SPON1: variants seen among roughly 807,000 people sequenced by gnomAD.
SPON1 encodes spondin 1.
Under a neutral mutation model 111.7 loss-of-function variants are expected in SPON1, and 52 were observed. That is an observed-to-expected ratio of 0.47 (90% CI 0.37 to 0.59). SPON1 has a LOEUF of 0.59. Among genes scored for constraint, SPON1 ranks in the 20% least tolerant of loss-of-function variants. The pLI, the probability that SPON1 is intolerant of heterozygous loss-of-function variation, is 0.00. For synonymous variants in SPON1, 410 were observed against 395.8 expected (o/e 1.04, Z -0.43); for missense variants, 957 against 1,068.5 (o/e 0.90, Z 1.46).
Position 13,982,861 on chromosome 11 carries a change from G to A in SPON1, c.253G>A (p.Ala85Thr), listed in dbSNP as rs368082977. 4 of 1,558,568 alleles carry A rather than the reference G, an allele frequency of 2.6e-6. No individual in the cohort carries two copies. In the East Asian group the frequency reaches 7.2e-5, roughly 28 times the overall value. Residue 85 changes from alanine to threonine, a missense_variant, in exon 2 of 16, where the codon GCT becomes ACT. Ala to Thr is a moderately conservative substitution (Grantham distance 58, BLOSUM62 0). This residue lies in a region of SPON1 where 262 missense variants were observed against 253.9 expected (regional missense o/e 1.03). Transcript: ENST00000576479. ...TCTCTCTGCAGTAACACTTTCAGCT[G>A]CTCCTCCCTCCTACTTCAGAGGATT... ...GTSYRVTLSA[A>T]PPSYFRGFTL...
At chr11:14,105,625 C>T (rs1401224352) in intron 5 of SPON1, among the ~76,000 whole-genome samples, 2 of 151,986 alleles carry the variant, frequency 1.3e-5, no homozygotes, top group Non-Finnish European at 2.9e-5. Flanking sequence ...TTTCTTCTCT[C>T]GTGCCTGACA....
intron 5 of SPON1, among the ~76,000 whole-genome samples, chr11:14,119,928 A>T (rs1485825283): frequency 3.3e-5 from 5 of 152,252 alleles, no homozygotes; most frequent in African/African-American, 1.2e-4. Context: ...TTTAAAATTT[A>T]TCTCCTCAGT....
rs1849161846 is a variant in SPON1, at chr11:14,260,720, A to G, written c.1964A>G (p.Glu655Gly). The change falls in exon 14 of 16, where the codon GAG becomes GGG. Residue 655 changes from glutamate to glycine, a missense_variant. Coordinates refer to ENST00000576479, the MANE Select transcript of SPON1 (RefSeq NM_006108.4). ...AELGDCNEDL[E>G]QVEKCMLPEC... ...CTTGGAGACTGCAATGAGGATCTGG[A>G]GCAGGTGGAGAAGTGCATGCTCCCT... The G allele has an allele frequency of 3.1e-6, 5 of 1,613,964 alleles. No individual in the cohort carries two copies. In the East Asian group the frequency reaches 6.7e-5, roughly 22 times the overall value.
At chr11:14,157,281 TTA>T (rs1277725952) in intron 6 of SPON1, among the ~76,000 whole-genome samples, 7 of 152,290 alleles carry the variant, frequency 4.6e-5, no homozygotes, top group Non-Finnish European at 1.0e-4. Flanking sequence ...GAAAATGTCT[TTA>T]TTTTGTCTTT....
At chr11:14,198,638 T>G (rs988018255) in intron 6 of SPON1, among the ~76,000 whole-genome samples, 5 of 152,238 alleles carry the variant, frequency 3.3e-5, no homozygotes, top group Non-Finnish European at 7.4e-5. Flanking sequence ...CCTCACTACA[T>G]GACAATCCCA....
At chr11:14,119,215 G>T (rs1849286798) in intron 5 of SPON1, among the ~76,000 whole-genome samples, 1 of 152,110 alleles carries the variant, frequency 6.6e-6, no homozygotes, top group Admixed American at 6.5e-5. Context: ...CCTAAAAGCA[G>T]GATCTGAGGC....
At position 14,235,129 on chromosome 11, in the gene SPON1, G is replaced by A. The variant is rs533243468; in HGVS notation, c.826-8203G>A. On this transcript the variant is annotated intron_variant, in intron 6 of 15. Coordinates refer to ENST00000576479, the MANE Select transcript of SPON1 (RefSeq NM_006108.4). ...CTGGGACTCTCACTGCTCCTCCAGCGCCTCCAGCTGACACCCAGGTCGATG... is the reference window on the plus strand; with the variant it reads ...CTGGGACTCTCACTGCTCCTCCAGCACCTCCAGCTGACACCCAGGTCGATG... 4.7e-4 allele frequency among the ~76,000 whole-genome samples: 71 copies of A among 152,248 alleles called. 1 individual carries two copies. The highest frequency in any genetic ancestry group is 1.3e-3 in the African/African-American group (56 of 41,552).
chr11:14,048,186 C>G (rs533655393), intron 3 of SPON1, among the ~76,000 whole-genome samples: 2 of 152,128 alleles, frequency 1.3e-5, no homozygotes, highest in Admixed American at 1.3e-4. Context: ...TTGCATTGAG[C>G]GGAGATCATG....
At chr11:14,076,668 T>C (rs1591368970) in intron 4 of SPON1, among the ~76,000 whole-genome samples, 1 of 152,248 alleles carries the variant, frequency 6.6e-6, no homozygotes, top group East Asian at 1.9e-4. Context: ...TGCTTCCCAG[T>C]TCAGTAGTTC....
At chr11:14,128,127 C>G (rs1847482389) in intron 5 of SPON1, among the ~76,000 whole-genome samples, 1 of 152,148 alleles carries the variant, frequency 6.6e-6, no homozygotes, top group African/African-American at 2.4e-5. Context: ...TCATGTCTTT[C>G]TCACATTTCA....
At chr11:14,182,973 A>G (rs1454773654) in intron 6 of SPON1, among the ~76,000 whole-genome samples, 1 of 152,246 alleles carries the variant, frequency 6.6e-6, no homozygotes, top group African/African-American at 2.4e-5. Flanking sequence ...AGAGAAGAAT[A>G]TAACAAAATA....
chr11:13,982,947 C>A lies in SPON1; in HGVS notation c.339C>A (p.Thr113=). 6.5e-7 allele frequency: 1 copy of A among 1,549,612 alleles called. No homozygotes were observed. The highest frequency in any genetic ancestry group is 1.4e-5 in the African/African-American group (1 of 73,190). The change falls in exon 2 of 16, where the codon ACC becomes ACA. Residue 113 remains threonine (T), a synonymous_variant. Coordinates refer to ENST00000576479, the MANE Select transcript of SPON1 (RefSeq NM_006108.4). ...ATAAGGAAGAAGACCATGCTGGGAC[C>A]TTCCAGGTAAGACCCTGCCTGGGCT... is the stretch of plus-strand genomic sequence containing the variant. ...EGDKEEDHAG[T]FQIIDEEETQ...
At chr11:14,161,277 C>A (rs57574891) in intron 6 of SPON1, among the ~76,000 whole-genome samples, 428 of 17,138 alleles carry the variant, frequency 0.025, 1 homozygote, top group Non-Finnish European at 0.042. Context: ...ATCTGTATAT[C>A]TATATATATT....
In SPON1 at chr11:14,033,682, A is replaced by G. The variant is rs976559711; in HGVS notation, c.346-7839A>G. On this transcript the variant is annotated intron_variant, in intron 2 of 15. Transcript: ENST00000576479. Reference sequence around the variant, plus strand: ...AATGAAAAGTTTTAGAAGCCTAGAAAAATCATTCTATTAGCTTAAAATGCC... The same window carrying G: ...AATGAAAAGTTTTAGAAGCCTAGAAGAATCATTCTATTAGCTTAAAATGCC... Among the ~76,000 whole-genome samples, 5 of 152,222 alleles carry G rather than the reference A, an allele frequency of 3.3e-5. No homozygotes were observed. The East Asian group carries it at 9.6e-4, about 29-fold the overall frequency.
chr11:14,229,131 G>A (rs1161259370), intron 6 of SPON1, among the ~76,000 whole-genome samples: 2 of 152,172 alleles, frequency 1.3e-5, no homozygotes, highest in Admixed American at 1.3e-4. Flanking sequence ...TAATCATGAT[G>A]GACAGATCCT....
chr11:13,985,654 C>T (rs1848176643), intron 2 of SPON1, among the ~76,000 whole-genome samples: 1 of 151,926 alleles, frequency 6.6e-6, no homozygotes, highest in Admixed American at 6.6e-5. Flanking sequence ...GCTTTATATG[C>T]ATTAGCCTTT....
At chr11:14,092,714 G>A (rs1295032721) in intron 5 of SPON1, among the ~76,000 whole-genome samples, 1 of 152,082 alleles carries the variant, frequency 6.6e-6, no homozygotes, top group Non-Finnish European at 1.5e-5. Context: ...ATCTCTGCTT[G>A]TCATCTGGAA....
chr11:14,075,420 T>TAAG lies in SPON1; in HGVS notation c.553+4_553+6dup. ...TGACCAAGAAACTTTGTGAACAAGG[T>TAAG]AAGACCCTGTGGGTGGGGAGGGGGA... On this transcript the variant is annotated splice_region_variant and intron_variant, in intron 4 of 15. Coordinates refer to ENST00000576479, the MANE Select transcript of SPON1 (RefSeq NM_006108.4). 1 of 1,552,606 alleles carries TAAG rather than the reference T, an allele frequency of 6.4e-7. No homozygotes were observed. Among genetic ancestry groups the TAAG allele is most frequent in the Non-Finnish European group, 8.7e-7 (1 of 1,146,374 alleles).
intron 2 of SPON1, among the ~76,000 whole-genome samples, chr11:14,039,818 A>G (rs954706280): frequency 6.6e-6 from 1 of 152,196 alleles, no homozygotes; most frequent in Non-Finnish European, 1.5e-5. Context: ...ATATTTGTAG[A>G]TGTTGAGGTA....
Sources: gnomAD v4.1 joint callset for allele counts (sites outside exome capture counted in the v4.1 genomes callset) on GRCh38, gnomAD v4.1.1 for gene constraint, gnomAD v4.1.1 regional missense constraint, MANE v1.5 for transcripts, NCBI Gene and HGNC (gene_info 2026-07-23, HGNC 2026-07-21) for gene names.